CAMK2D: variants seen among roughly 807,000 people sequenced by gnomAD.
CAMK2D encodes calcium/calmodulin-dependent protein kinase type II subunit delta.
Under a neutral mutation model 84.0 loss-of-function variants are expected in CAMK2D, and 37 were observed. That is an observed-to-expected ratio of 0.44 (90% CI 0.34 to 0.58). The LOEUF (loss-of-function observed/expected upper bound fraction) is 0.58, where lower values mean the gene tolerates loss of function less well. Ranked by LOEUF, CAMK2D falls within the 20% of genes least tolerant of loss-of-function variation. The pLI is 0.02. For missense variants in CAMK2D, 448 were observed against 652.5 expected, an observed-to-expected ratio of 0.69 and a Z score of 3.41; for synonymous variants, 202 against 212.5, an observed-to-expected ratio of 0.95 and a Z score of 0.43.
At chr4:113,542,900 C>T (rs76834066) in intron 6 of CAMK2D, among the ~76,000 whole-genome samples, 2,635 of 152,144 alleles carry the variant, frequency 0.017, 81 homozygotes, top group African/African-American at 0.059. Flanking sequence ...TCTATCCATC[C>T]GTCCAATGAC....
At chr4:113,688,348 T>C (rs761691717) in intron 2 of CAMK2D, among the ~76,000 whole-genome samples, 28 of 152,242 alleles carry the variant, frequency 1.8e-4, no homozygotes, top group Non-Finnish European at 3.4e-4. Context: ...TTTCTAACTA[T>C]GCCCAATCTT....
At chr4:113,462,885 ATTC>A (rs2097406647) in intron 17 of CAMK2D, among the ~76,000 whole-genome samples, 1 of 152,174 alleles carries the variant, frequency 6.6e-6, no homozygotes, top group South Asian at 2.1e-4. Flanking sequence ...GAATAATCTT[ATTC>A]TTTGGATAAT....
rs546956271 is a variant in CAMK2D, at chr4:113,593,860, C to T, written c.275+15292G>A. ...TAAATATAGGACTACAGAATGCTTC[C>T]TCTTTCCCCATAACTTACCACTATT... On this transcript the variant is annotated intron_variant, in intron 4 of 20. Transcript: ENST00000511664. Among the ~76,000 whole-genome samples, 7 of 152,160 alleles carry T rather than the reference C, an allele frequency of 4.6e-5. No homozygotes were observed. In the South Asian group the frequency reaches 1.5e-3, roughly 32 times the overall value.
intron 4 of CAMK2D, among the ~76,000 whole-genome samples, chr4:113,580,137 C>T (rs947416942): frequency 6.6e-6 from 1 of 152,184 alleles, no homozygotes; most frequent in Non-Finnish European, 1.5e-5. Flanking sequence ...AAACCAAATA[C>T]CATGACCTTA....
chr4:113,552,980 C>T (rs1057355748), intron 4 of CAMK2D, among the ~76,000 whole-genome samples: 5 of 152,078 alleles, frequency 3.3e-5, no homozygotes, highest in Non-Finnish European at 7.4e-5. Flanking sequence ...TGGTTATTAG[C>T]GAGGTAGATC....
At chr4:113,455,481 C>A (rs72903953) in intron 20 of CAMK2D, among the ~76,000 whole-genome samples, 17,764 of 152,138 alleles carry the variant, frequency 0.12, 3,335 homozygotes, top group African/African-American at 0.4. Flanking sequence ...TAACATGACA[C>A]AATCCACATG....
At chr4:113,468,042 C>T (rs17046076) in intron 16 of CAMK2D, among the ~76,000 whole-genome samples, 4,438 of 151,794 alleles carry the variant, frequency 0.029, 220 homozygotes, top group African/African-American at 0.099. Context: ...CAACGTCCTT[C>T]GTGGAGCTTC....
chr4:113,605,171 A>G (rs1275048444), intron 4 of CAMK2D, among the ~76,000 whole-genome samples: 2 of 152,230 alleles, frequency 1.3e-5, no homozygotes, highest in Non-Finnish European at 2.9e-5. Context: ...TCGACAGCAG[A>G]TGAGTTTGCA....
rs1039295238 is a variant in CAMK2D, at chr4:113,452,337, A to G, written c.*2208T>C. 3.9e-5 allele frequency: 6 copies of G among 152,236 alleles called. No homozygotes were observed. Among genetic ancestry groups the G allele is most frequent in the Non-Finnish European group, 8.8e-5 (6 of 68,030 alleles). 9.4% of individuals were successfully genotyped at this position (152,236 alleles called of 1,614,324 possible). A position where few individuals can be genotyped will look rare whatever the true frequency, so the allele number is the denominator to read the frequency against. ...GTACTAAATGAGACCAGAGTAGGAC[A>G]CACTGCCCTTGACACTGGCCAGCAC... On this transcript the variant is annotated 3_prime_UTR_variant, in exon 21 of 21. Transcript: ENST00000511664.
chr4:113,486,318 T>A (rs2097765537), intron 16 of CAMK2D, among the ~76,000 whole-genome samples: 1 of 151,710 alleles, frequency 6.6e-6, no homozygotes, highest in South Asian at 2.1e-4. Context: ...AGAGATGGGG[T>A]CTTGTTATAT....
chr4:113,730,243 T>C (rs1197433929), intron 2 of CAMK2D, among the ~76,000 whole-genome samples: 3 of 152,254 alleles, frequency 2.0e-5, no homozygotes, highest in Non-Finnish European at 4.4e-5. Context: ...TTCAACAACA[T>C]ACTTATTGTT....
intron 3 of CAMK2D, among the ~76,000 whole-genome samples, chr4:113,622,026 T>C (rs901660483): frequency 6.6e-6 from 1 of 152,234 alleles, no homozygotes; most frequent in Non-Finnish European, 1.5e-5. Context: ...CATACTTTTC[T>C]GATTTTTCTT....
At chr4:113,478,157 A>G (rs1490475530) in intron 16 of CAMK2D, among the ~76,000 whole-genome samples, 2 of 152,214 alleles carry the variant, frequency 1.3e-5, no homozygotes, top group African/African-American at 2.4e-5. Flanking sequence ...GAGGTTTCAG[A>G]GAGGATGACT....
chr4:113,672,965 A>G (rs780760236), intron 2 of CAMK2D, among the ~76,000 whole-genome samples: 10 of 152,236 alleles, frequency 6.6e-5, no homozygotes, highest in Non-Finnish European at 1.0e-4. Flanking sequence ...GAAGGCTAAA[A>G]ACAAAATAAT....
At chr4:113,558,011 G>T (rs1321429612) in intron 4 of CAMK2D, among the ~76,000 whole-genome samples, 4 of 152,200 alleles carry the variant, frequency 2.6e-5, no homozygotes, top group African/African-American at 2.4e-5. Context: ...AGTTCTTGGA[G>T]TTGAACCTGG....
chr4:113,665,982 C>A (rs757800828), intron 2 of CAMK2D, among the ~76,000 whole-genome samples: 5 of 152,140 alleles, frequency 3.3e-5, no homozygotes, highest in Non-Finnish European at 5.9e-5. Flanking sequence ...TGCTTCCCAG[C>A]TAAGATATAT....
At chr4:113,725,521 T>A (rs1435589068) in intron 2 of CAMK2D, among the ~76,000 whole-genome samples, 3 of 152,112 alleles carry the variant, frequency 2.0e-5, no homozygotes, top group African/African-American at 7.2e-5. Context: ...TCTAAGCCAC[T>A]AATGTAAGGT....
In CAMK2D at chr4:113,457,380, T is replaced by TGCCACTTTCCATCCC; in HGVS notation, c.1475_1489dup (p.Arg492_Trp496dup). 1 of 1,613,784 alleles carries TGCCACTTTCCATCCC rather than the reference T, an allele frequency of 6.2e-7. No individual in the cohort carries two copies. ...CCCCGAGCGATGAAAATGAACATTC[T>TGCCACTTTCCATCCC]GCCACTTTCCATCCCGGCGGTGCCA... On this transcript the variant is annotated inframe_insertion, in exon 19 of 21. Transcript: ENST00000511664.
In CAMK2D at chr4:113,451,290, T is replaced by C. The variant is rs1443198415; in HGVS notation, c.*3255A>G. ...CCGAGTATATCCTCAGCATTAACAGTAAACCTACATAAAGAGGGCAGCCCA... is the reference window on the plus strand; with the variant it reads ...CCGAGTATATCCTCAGCATTAACAGCAAACCTACATAAAGAGGGCAGCCCA... On this transcript the variant is annotated 3_prime_UTR_variant, in exon 21 of 21. Coordinates refer to ENST00000511664, the MANE Select transcript of CAMK2D (RefSeq NM_001321571.2). 1 of 152,158 alleles carries C rather than the reference T, an allele frequency of 6.6e-6. No individual in the cohort carries two copies. The highest frequency in any genetic ancestry group is 1.5e-5 in the Non-Finnish European group (1 of 68,026). 9.4% of individuals were successfully genotyped at this position (152,158 alleles called of 1,614,324 possible).
Sources: gnomAD v4.1 joint callset for allele counts (sites outside exome capture counted in the v4.1 genomes callset) on GRCh38, gnomAD v4.1.1 for gene constraint, MANE v1.5 for transcripts, NCBI Gene and HGNC (gene_info 2026-07-23, HGNC 2026-07-21) for gene names.